SYT7: variants seen among roughly 807,000 people sequenced by gnomAD.
SYT7 encodes the protein synaptotagmin-7.
A neutral mutation model predicts 75.1 loss-of-function variants in SYT7; 29 were observed. That is an observed-to-expected ratio of 0.39 (90% confidence interval 0.29 to 0.53). The LOEUF (loss-of-function observed/expected upper bound fraction) is 0.53, where lower values mean the gene tolerates loss of function less well. Among genes scored for constraint, SYT7 ranks in the 20% least tolerant of loss-of-function variants. The pLI is 0.77. For missense variants in SYT7, 693 were observed against 953.2 expected (o/e 0.73, Z 3.59); for synonymous variants, 376 against 401.7 (o/e 0.94, Z 0.76).
Position 61,551,008 on chromosome 11 carries a change from G to A in SYT7, c.215+376C>T, listed in dbSNP as rs961069433. 5.3e-5 allele frequency among the ~76,000 whole-genome samples: 8 copies of A among 152,190 alleles called. No individual in the cohort carries two copies. The highest frequency in any genetic ancestry group is 1.9e-4 in the African/African-American group (8 of 41,446). ...GGGCCCACTAGGGAGGGGCCTCCCCGGCCTAGCAGCAGGGGCCCCATGAGA... is the reference window on the plus strand; with the variant it reads ...GGGCCCACTAGGGAGGGGCCTCCCCAGCCTAGCAGCAGGGGCCCCATGAGA... On this transcript the variant is annotated intron_variant, in intron 3 of 12. Coordinates refer to ENST00000539008, the MANE Select transcript of SYT7 (RefSeq NM_001365809.2). This position sits in a 1 kb window ranked among gnomAD's most constrained non-coding sequence, Gnocchi z 5.3.
chr11:61,556,993 A>AGACC (rs2063517038), intron 1 of SYT7, among the ~76,000 whole-genome samples: 1 of 152,010 alleles, frequency 6.6e-6, no homozygotes, highest in African/African-American at 2.4e-5. Flanking sequence ...CTTGGCAAAG[A>AGACC]TGTCCTGGGA....
rs2062203446 is a variant in SYT7, at chr11:61,518,404, G to A, written c.*223C>T. ...GTCAGGAAGAAAAGGGGCAAAGCAGGAAAATGCCTCCCAGAGCCCCTTCCC... is the reference window on the plus strand; with the variant it reads ...GTCAGGAAGAAAAGGGGCAAAGCAGAAAAATGCCTCCCAGAGCCCCTTCCC... On this transcript the variant is annotated 3_prime_UTR_variant, in exon 13 of 13. Transcript: ENST00000539008. 2.5e-6 allele frequency: 1 copy of A among 407,530 alleles called. No individual in the cohort carries two copies. Among genetic ancestry groups the A allele is most frequent in the Non-Finnish European group, 4.3e-6 (1 of 230,270 alleles). 25.2% of individuals were successfully genotyped at this position (407,530 alleles called of 1,614,324 possible). A position where few individuals can be genotyped will look rare whatever the true frequency, so the allele number is the denominator to read the frequency against.
rs1238611887 is a variant in SYT7 at position 61,542,477 on chromosome 11, C to G, written c.675G>C (p.Gln225His). ...CQRPRTLMRQQSLQQPLSQHQ... is the reference protein window; with the variant it reads ...CQRPRTLMRQHSLQQPLSQHQ... ...GCTGGCTCAGCGGCTGTTGCAGGCT[C>G]TGCTGCCGCATCAGGGTGCGGGGTC... The change falls in exon 6 of 13, where the codon CAG (glutamine) becomes CAC (histidine). Residue 225 changes from glutamine (Q) to histidine (H), a missense_variant. Gln to His is a conservative substitution (Grantham distance 24, BLOSUM62 0). Around this residue, in one of 2 missense-constraint regions of SYT7, gnomAD observed 487 missense variants for 593.2 expected, o/e 0.82. Coordinates refer to ENST00000539008, the MANE Select transcript of SYT7 (RefSeq NM_001365809.2). The surrounding 1 kb of genome is among the most constrained non-coding windows in gnomAD (Gnocchi z 7.8). 6.5e-7 allele frequency: 1 copy of G among 1,533,060 alleles called. No homozygotes were observed. Among genetic ancestry groups the G allele is most frequent in the Admixed American group, 2.0e-5 (1 of 50,936 alleles). 95.0% of individuals were successfully genotyped at this position (1,533,060 alleles called of 1,614,324 possible).
chr11:61,583,887 TG>T (rs2064332070), upstream of SYT7, among the ~76,000 whole-genome samples: 1 of 152,230 alleles, frequency 6.6e-6, no homozygotes, highest in South Asian at 2.1e-4. Context: ...ACCCCTTCTC[TG>T]GGCCTCAGTC....
In SYT7 at chr11:61,576,571, C is replaced by T. The variant is rs1450955191; in HGVS notation, c.31+4219G>A. Among the ~76,000 whole-genome samples, 2 of 152,224 alleles carry T rather than the reference C, an allele frequency of 1.3e-5. No homozygotes were observed. The highest frequency in any genetic ancestry group is 2.9e-5 in the Non-Finnish European group (2 of 68,028). ...TCAGCTCCGGACTGGGCCTCCCGCC[C>T]CCACGTGACCCCTCCCAGCTCTTCT... On this transcript the variant is annotated intron_variant, in intron 1 of 12. Transcript: ENST00000539008. This position sits in a 1 kb window ranked among gnomAD's most constrained non-coding sequence, Gnocchi z 4.1.
At chr11:61,548,672 C>A (rs1249091125) in intron 3 of SYT7, among the ~76,000 whole-genome samples, 2 of 152,176 alleles carry the variant, frequency 1.3e-5, no homozygotes, top group African/African-American at 2.4e-5. Flanking sequence ...CGGGGGCACA[C>A]CCCACCCCCC....
chr11:61,560,775 T>A (rs941265908), intron 1 of SYT7, among the ~76,000 whole-genome samples: 1 of 151,998 alleles, frequency 6.6e-6, no homozygotes, highest in Non-Finnish European at 1.5e-5. Flanking sequence ...TTGAAAGTCA[T>A]GAAGTCAGGC....
chr11:61,581,038 C>T lies in SYT7; in HGVS notation c.-218G>A. On this transcript the variant is annotated 5_prime_UTR_variant, in exon 1 of 13. Transcript: ENST00000539008. Reference sequence around the variant, plus strand: ...GCACGCTGCCGCCGCCGCCGAACAGCGCCGAGCCGCCTCCCTCCGGCCTGC... The same window carrying T: ...GCACGCTGCCGCCGCCGCCGAACAGTGCCGAGCCGCCTCCCTCCGGCCTGC... 1.4e-6 allele frequency: 1 copy of T among 723,350 alleles called. No homozygotes were observed. Among genetic ancestry groups the T allele is most frequent in the Non-Finnish European group, 1.7e-6 (1 of 592,574 alleles). 44.8% of individuals were successfully genotyped at this position (723,350 alleles called of 1,614,324 possible). A position where few individuals can be genotyped will look rare whatever the true frequency, so the allele number is the denominator to read the frequency against.
In SYT7 at chr11:61,524,759, C is replaced by T. The variant is rs78649198; in HGVS notation, c.1472-227G>A. The T allele has an allele frequency of 1.3e-3, 644 of 485,268 alleles. 4 individuals carry two copies. The highest frequency in any genetic ancestry group is 0.011 in the African/African-American group (564 of 50,134). The allele number at this position is 485,268 out of a possible 1,614,324, so 30.1% of individuals were successfully genotyped here. A position where few individuals can be genotyped will look rare whatever the true frequency, so the allele number is the denominator to read the frequency against. On this transcript the variant is annotated intron_variant, in intron 9 of 12. Coordinates refer to ENST00000539008, the MANE Select transcript of SYT7 (RefSeq NM_001365809.2). The surrounding 1 kb of genome is among the most constrained non-coding windows in gnomAD (Gnocchi z 4.1). ...CAATTCTCCAAGGTGAATGGCATCT[C>T]GTCCATCTTACAGATGAGGCTCAGA...
chr11:61,541,399 G>C, intron 6 of SYT7: 2 of 732,762 alleles, frequency 2.7e-6, no homozygotes, highest in Non-Finnish European at 3.3e-6. Flanking sequence ...TGTCCAGAGA[G>C]ATGCTGGGGA....
chr11:61,554,302 C>A (rs533218727), intron 2 of SYT7, among the ~76,000 whole-genome samples: 1 of 152,100 alleles, frequency 6.6e-6, no homozygotes, highest in Admixed American at 6.5e-5. Flanking sequence ...ACACCCACAC[C>A]CACACCCACA....
chr11:61,566,827 T>A (rs1053707465), intron 1 of SYT7, among the ~76,000 whole-genome samples: 4 of 152,236 alleles, frequency 2.6e-5, no homozygotes, highest in Admixed American at 6.5e-5. Context: ...AACTGTATGC[T>A]ATGTTTCATT....
At chr11:61,567,782 C>G (rs1159088705) in intron 1 of SYT7, among the ~76,000 whole-genome samples, 2 of 152,192 alleles carry the variant, frequency 1.3e-5, no homozygotes, top group Non-Finnish European at 2.9e-5. Context: ...GGCGAAGCAG[C>G]GGCAGACGGT....
At position 61,515,202 on chromosome 11, in the gene SYT7, A is replaced by T. The variant is rs1305723690; in HGVS notation, c.*3425T>A. 2 of 152,286 alleles carry T rather than the reference A, an allele frequency of 1.3e-5. No homozygotes were observed. Among genetic ancestry groups the T allele is most frequent in the Non-Finnish European group, 2.9e-5 (2 of 68,086 alleles). The allele number at this position is 152,286 out of a possible 1,614,324, so 9.4% of individuals were successfully genotyped here. ...CCAGTGAAGTCAAATCCCAAAGGTG[A>T]CACACTGAGGGGAGGCTCAGCCCCG... On this transcript the variant is annotated 3_prime_UTR_variant, in exon 13 of 13. Transcript: ENST00000539008.
chr11:61,555,216 G>A (rs1334407317), intron 2 of SYT7, among the ~76,000 whole-genome samples: 1 of 152,170 alleles, frequency 6.6e-6, no homozygotes, highest in East Asian at 1.9e-4. Flanking sequence ...TTCTCGGCCC[G>A]GGGAGATGGG....
chr11:61,581,483 G>A (rs1239379422), upstream of SYT7, among the ~76,000 whole-genome samples: 1 of 152,240 alleles, frequency 6.6e-6, no homozygotes, highest in Non-Finnish European at 1.5e-5. Context: ...CAAAAGGCGT[G>A]GAGATCCACT....
chr11:61,564,769 C>G (rs1012318059), intron 1 of SYT7, among the ~76,000 whole-genome samples: 5 of 152,226 alleles, frequency 3.3e-5, no homozygotes, highest in African/African-American at 1.2e-4. Flanking sequence ...CCAAATTACC[C>G]CAGGTACTTC....
At chr11:61,541,234 G>C in intron 6 of SYT7, 1 of 985,614 alleles carries the variant, frequency 1.0e-6, no homozygotes, top group Non-Finnish European at 1.2e-6. Flanking sequence ...TTAGTGTGCT[G>C]GTCTCCTGCT....
In SYT7 at chr11:61,546,446, A is replaced by G; in HGVS notation, c.348-191T>C. ...ACATGAGACAGACAGAGAGAGAGAG[A>G]GAGACATCAGCACTGCAAATGGGTT... On this transcript the variant is annotated intron_variant, in intron 4 of 12. Coordinates refer to ENST00000539008, the MANE Select transcript of SYT7 (RefSeq NM_001365809.2). This position sits in a 1 kb window ranked among gnomAD's most constrained non-coding sequence, Gnocchi z 7.6. 1.8e-6 allele frequency: 1 copy of G among 541,848 alleles called. No homozygotes were observed. The allele number at this position is 541,848 out of a possible 1,614,324, so 33.6% of individuals were successfully genotyped here.
Sources: gnomAD v4.1 joint callset for allele counts (sites outside exome capture counted in the v4.1 genomes callset) on GRCh38, gnomAD v4.1.1 for gene constraint, gnomAD v4.1.1 regional missense constraint, Gnocchi (gnomAD v3.1) non-coding constraint, MANE v1.5 for transcripts, NCBI Gene and HGNC (gene_info 2026-07-23, HGNC 2026-07-21) for gene names.